DGKB: variants seen among roughly 807,000 people sequenced by gnomAD.
DGKB encodes the protein 90 kDa diacylglycerol kinase.
Under a neutral mutation model 114.3 loss-of-function variants are expected in DGKB, and 67 were observed. The ratio of observed to expected loss-of-function variants is 0.59; its 90% CI spans 0.48 to 0.72. DGKB has a LOEUF of 0.72. Among genes scored for constraint, DGKB ranks in the 30% least tolerant of loss-of-function variants. DGKB has a pLI of 0.00. For synonymous variants in DGKB, 398 were observed against 323.1 expected, an observed-to-expected ratio of 1.23 and a Z score of -2.49; for missense variants, 907 against 975.2, an observed-to-expected ratio of 0.93 and a Z score of 0.93.
At chr7:14,966,442 G>C (rs1787155256) in intron 1 of DGKB, among the ~76,000 whole-genome samples, 1 of 145,016 alleles carries the variant, frequency 6.9e-6, no homozygotes, top group Non-Finnish European at 1.5e-5. Context: ...ACACATATTT[G>C]TGTGTATATA....
chr7:14,888,253 AG>A (rs1187226175), intron 1 of DGKB, among the ~76,000 whole-genome samples: 1 of 151,778 alleles, frequency 6.6e-6, no homozygotes, highest in Admixed American at 6.6e-5. Context: ...GGAGGCACAG[AG>A]ACAGAGGCTC....
chr7:14,673,158 A>C, intron 12 of DGKB, 131 bp from the exon 13 acceptor site: 1 of 572,296 alleles, frequency 1.7e-6, no homozygotes, highest in South Asian at 2.3e-5. Context: ...ACAAATAAAC[A>C]GAGTCATAAA....
At chr7:14,315,098 C>T (rs368480384) in intron 23 of DGKB, among the ~76,000 whole-genome samples, 10 of 147,140 alleles carry the variant, frequency 6.8e-5, no homozygotes, top group Admixed American at 3.4e-4. Flanking sequence ...ATTTTGTCAC[C>T]ACCAGGCCTG....
chr7:14,721,026 C>T (rs556776742), intron 5 of DGKB, among the ~76,000 whole-genome samples: 39 of 152,174 alleles, frequency 2.6e-4, no homozygotes, highest in Non-Finnish European at 5.0e-4. Flanking sequence ...TAAGCTATGA[C>T]CTAACTCATC....
At chr7:14,519,872 G>A (rs1789463637) in intron 20 of DGKB, among the ~76,000 whole-genome samples, 1 of 151,790 alleles carries the variant, frequency 6.6e-6, no homozygotes. Context: ...GTCTGTTTAA[G>A]TAATTAGTCT....
At chr7:14,325,992 A>ACC (rs1808639331) in intron 23 of DGKB, among the ~76,000 whole-genome samples, 1 of 152,164 alleles carries the variant, frequency 6.6e-6, no homozygotes, top group Non-Finnish European at 1.5e-5. Context: ...AAGGAGGTAG[A>ACC]AAAGTCAGAA....
intron 2 of DGKB, among the ~76,000 whole-genome samples, chr7:14,832,720 C>T (rs980430295): frequency 6.6e-6 from 1 of 152,010 alleles, no homozygotes; most frequent in Non-Finnish European, 1.5e-5. Context: ...ATCTCATCTT[C>T]CAACTGTCTT....
At chr7:14,656,490 G>A (rs910590316) in intron 13 of DGKB, among the ~76,000 whole-genome samples, 2 of 151,278 alleles carry the variant, frequency 1.3e-5, no homozygotes, top group Non-Finnish European at 3.0e-5. Context: ...GTGAACTCCT[G>A]TGTGTCAAGA....
At chr7:14,461,363 G>A (rs1425097305) in intron 21 of DGKB, among the ~76,000 whole-genome samples, 1 of 151,276 alleles carries the variant, frequency 6.6e-6, no homozygotes, top group Non-Finnish European at 1.5e-5. Flanking sequence ...CCACTAGCCA[G>A]ATGAATAAAG....
chr7:14,309,336 T>C (rs1321794769), intron 23 of DGKB, among the ~76,000 whole-genome samples: 1 of 152,218 alleles, frequency 6.6e-6, no homozygotes, highest in Non-Finnish European at 1.5e-5. Flanking sequence ...TGAATGGTTC[T>C]ATGTAAAAGC....
chr7:14,240,991 TG>T (rs1368910150), intron 23 of DGKB, among the ~76,000 whole-genome samples: 1 of 152,158 alleles, frequency 6.6e-6, no homozygotes, highest in Non-Finnish European at 1.5e-5. Context: ...AAGTCAGCTC[TG>T]TCCTTTTGTT....
chr7:14,435,708 G>T (rs191878992), intron 21 of DGKB, among the ~76,000 whole-genome samples: 2 of 151,984 alleles, frequency 1.3e-5, no homozygotes, highest in Admixed American at 1.3e-4. Context: ...TGTTCTTCAT[G>T]CAACAATAAT....
chr7:14,869,242 A>C (rs1413157325), intron 1 of DGKB, among the ~76,000 whole-genome samples: 2 of 152,196 alleles, frequency 1.3e-5, no homozygotes, highest in African/African-American at 4.8e-5. Flanking sequence ...AGTTCTTAGA[A>C]AACAAAATTC....
In DGKB at chr7:14,298,286, C is replaced by T. The variant is rs574783444; in HGVS notation, c.2122+40229G>A. Among the ~76,000 whole-genome samples, 18 of 152,218 alleles carry T rather than the reference C, an allele frequency of 1.2e-4. No individual in the cohort carries two copies. The East Asian group carries it at 1.7e-3, about 15-fold the overall frequency. ...AAAAAGAACAAAGCTGGAGGCATCA[C>T]GCTACCTGACTTCAAACTATACTAC... On this transcript the variant is annotated intron_variant, in intron 23 of 25. Transcript: ENST00000402815.
chr7:14,686,176 T>C (rs1224355695), intron 9 of DGKB, among the ~76,000 whole-genome samples: 1 of 152,148 alleles, frequency 6.6e-6, no homozygotes, highest in Non-Finnish European at 1.5e-5. Context: ...AGCAAAACAC[T>C]TTATTTTTTT....
chr7:14,807,395 T>C (rs946512949), intron 2 of DGKB, among the ~76,000 whole-genome samples: 1 of 152,046 alleles, frequency 6.6e-6, no homozygotes, highest in Non-Finnish European at 1.5e-5. Context: ...GATATATTAC[T>C]GTAGTTATTA....
chr7:14,400,349 T>C (rs1158634231), intron 21 of DGKB, among the ~76,000 whole-genome samples: 1 of 151,828 alleles, frequency 6.6e-6, no homozygotes, highest in Admixed American at 6.6e-5. Flanking sequence ...AATTCGAGTA[T>C]TTCAGGTCTC....
chr7:14,727,360 T>TA (rs1215520733), intron 5 of DGKB, among the ~76,000 whole-genome samples: 1 of 152,108 alleles, frequency 6.6e-6, no homozygotes, highest in African/African-American at 2.4e-5. Flanking sequence ...GTAATTATGT[T>TA]AAAAACAGGA....
intron 20 of DGKB, among the ~76,000 whole-genome samples, chr7:14,501,747 T>G (rs936649641): frequency 6.6e-6 from 1 of 151,984 alleles, no homozygotes; most frequent in African/African-American, 2.4e-5. Flanking sequence ...CATTATCCTA[T>G]GTCATTTTAT....
Sources: gnomAD v4.1 joint callset for allele counts (sites outside exome capture counted in the v4.1 genomes callset) on GRCh38, gnomAD v4.1.1 for gene constraint, MANE v1.5 for transcripts, NCBI Gene and HGNC (gene_info 2026-07-23, HGNC 2026-07-21) for gene names.